The following FCN2 variants were observed in gnomAD, a reference collection of about 807,000 sequenced individuals.
FCN2 encodes ficolin 2.
In FCN2, 31 loss-of-function variants were observed where a neutral mutation model predicts 32.5. That is an observed-to-expected ratio of 0.96 (90% confidence interval 0.72 to 1.29). FCN2 has a LOEUF of 1.29. FCN2 is among the 50% of genes most tolerant of loss of function. The pLI is 0.00. For synonymous variants in FCN2, 181 were observed against 164.5 expected (o/e 1.10, Z -0.77); for missense variants, 412 against 406.5 (o/e 1.01, Z -0.12).
chr9:134,884,152 T>C (rs528237304), intron 3 of FCN2, among the ~76,000 whole-genome samples: 1 of 152,166 alleles, frequency 6.6e-6, no homozygotes, highest in Non-Finnish European at 1.5e-5. Flanking sequence ...TAGTGGAAAT[T>C]CTCTGCTTTA....
At chr9:134,865,297 A>G in the FCN2 span, among the ~76,000 whole-genome samples, 1 of 152,194 alleles carries the variant, frequency 6.6e-6, no homozygotes, top group African/African-American at 2.4e-5. Context: ...GCCCCCCTGC[A>G]TTGCAGCCAT....
chr9:134,872,971 C>A, the FCN2 span, among the ~76,000 whole-genome samples: 1 of 152,210 alleles, frequency 6.6e-6, no homozygotes, highest in African/African-American at 2.4e-5. Flanking sequence ...GAACCAATTT[C>A]ACAGGGGTGT....
At chr9:134,880,399 C>T (rs1362313706), upstream of FCN2, among the ~76,000 whole-genome samples, 1 of 152,198 alleles carries the variant, frequency 6.6e-6, no homozygotes. Flanking sequence ...ACACCAGTGG[C>T]CCATGACCAG....
At chr9:134,872,656 C>T in the FCN2 span, among the ~76,000 whole-genome samples, 2 of 152,046 alleles carry the variant, frequency 1.3e-5, no homozygotes, top group Non-Finnish European at 2.9e-5. Context: ...CGGGGGAACT[C>T]CCCTTTATAA....
upstream of FCN2, among the ~76,000 whole-genome samples, chr9:134,879,341 G>A: frequency 6.6e-6 from 1 of 152,076 alleles, no homozygotes; most frequent in Non-Finnish European, 1.5e-5. Context: ...ATGTCTTTGG[G>A]CTTTTAAAGC....
upstream of FCN2, among the ~76,000 whole-genome samples, chr9:134,878,736 G>A (rs189426006): frequency 2.0e-5 from 3 of 152,164 alleles, no homozygotes; most frequent in East Asian, 1.9e-4. Context: ...CCAGCTACTC[G>A]GGAGGCTGAG....
the FCN2 span, among the ~76,000 whole-genome samples, chr9:134,871,478 C>T: frequency 6.6e-6 from 1 of 152,334 alleles, no homozygotes; most frequent in African/African-American, 2.4e-5. Context: ...TGGGCTGTGC[C>T]GCCGCTGCGT....
the FCN2 span, among the ~76,000 whole-genome samples, chr9:134,867,166 T>C: frequency 8.2e-6 from 1 of 121,278 alleles, no homozygotes; most frequent in East Asian, 2.5e-4. Context: ...CTATAAATCA[T>C]GCTGCTATAA....
chr9:134,884,598 A>T lies in FCN2; in HGVS notation c.269-142A>T, dbSNP rs1214889573. On this transcript the variant is annotated intron_variant, in intron 3 of 7. Coordinates refer to ENST00000291744, the MANE Select transcript of FCN2 (RefSeq NM_004108.3). Reference sequence around the variant, plus strand: ...AGGGAAAGAAAAATTTGGTCAACAGAACCAGGGTCAGGGACTCCTTGGCTG... The same window carrying T: ...AGGGAAAGAAAAATTTGGTCAACAGTACCAGGGTCAGGGACTCCTTGGCTG... The T allele has an allele frequency of 3.6e-6, 3 of 823,492 alleles. No individual in the cohort carries two copies. The Admixed American group carries it at 5.9e-5, about 16-fold the overall frequency. 51.0% of individuals were successfully genotyped at this position (823,492 alleles called of 1,614,324 possible). A position where few individuals can be genotyped will look rare whatever the true frequency, so the allele number is the denominator to read the frequency against.
intron 3 of FCN2, among the ~76,000 whole-genome samples, chr9:134,883,908 G>A (rs544658245): frequency 6.7e-6 from 1 of 150,072 alleles, no homozygotes; most frequent in South Asian, 2.1e-4. Context: ...TTTCAGTGCA[G>A]GAGCATCTGC....
upstream of FCN2, among the ~76,000 whole-genome samples, chr9:134,876,547 C>T (rs1440599099): frequency 6.6e-6 from 1 of 152,128 alleles, no homozygotes; most frequent in Admixed American, 6.6e-5. Flanking sequence ...AAAGGCTTAA[C>T]TACAATTTCA....
intron 1 of FCN2, 148 bp downstream of exon 1, chr9:134,881,069 A>G (rs1830656780): frequency 2.9e-6 from 2 of 689,466 alleles, no homozygotes; most frequent in South Asian, 1.6e-5. Context: ...GCCTCATCTT[A>G]TGTGAACAAA....
the FCN2 span, among the ~76,000 whole-genome samples, chr9:134,870,640 G>A: frequency 2.5e-4 from 38 of 152,224 alleles, 1 homozygote; most frequent in South Asian, 7.7e-3. The surrounding 1 kb of genome is among the most constrained non-coding windows in gnomAD (Gnocchi z 4.3). Flanking sequence ...CCGGCCCTGC[G>A]GGGGGACAGC....
chr9:134,883,989 T>A (rs964332993), intron 3 of FCN2, among the ~76,000 whole-genome samples: 2 of 149,440 alleles, frequency 1.3e-5, no homozygotes, highest in Non-Finnish European at 3.0e-5. Flanking sequence ...TGGGGGGGGA[T>A]TGTCTGCCCA....
rs768352678 is a variant in FCN2 at position 134,886,482 on chromosome 9, T to G, written c.612T>G (p.Phe204Leu). Residue 204 changes from phenylalanine to leucine, a missense_variant, in exon 7 of 8, where the codon TTT becomes TTG. Coordinates refer to ENST00000291744, the MANE Select transcript of FCN2 (RefSeq NM_004108.3). ...DLVDFEDNYQ[F>L]AKYRSFKVAD... ...TGGACTTTGAGGACAACTACCAGTTTGCTAAGTACAGATCATTCAAGGTGG... is the reference window on the plus strand; with the variant it reads ...TGGACTTTGAGGACAACTACCAGTTGGCTAAGTACAGATCATTCAAGGTGG... 2 of 1,614,150 alleles carry G rather than the reference T, an allele frequency of 1.2e-6. No individual in the cohort carries two copies. The highest frequency in any genetic ancestry group is 2.2e-5 in the South Asian group (2 of 91,076).
chr9:134,869,811 G>C, the FCN2 span, among the ~76,000 whole-genome samples: 1 of 152,232 alleles, frequency 6.6e-6, no homozygotes, highest in African/African-American at 2.4e-5. Context: ...CTGCCCTCAG[G>C]TGCTCCTGAT....
chr9:134,885,149 C>T (rs902243917), intron 4 of FCN2, 90 bp from the exon 5 acceptor site: 1 of 1,553,430 alleles, frequency 6.4e-7, no homozygotes, highest in African/African-American at 1.4e-5. Context: ...ACGCCTATGG[C>T]CCTGCTTCTT....
the FCN2 span, among the ~76,000 whole-genome samples, chr9:134,869,676 C>T: frequency 3.3e-5 from 5 of 152,258 alleles, no homozygotes; most frequent in African/African-American, 9.6e-5. Context: ...AGGCCCAGTG[C>T]GGCTGCTTCA....
the FCN2 span, among the ~76,000 whole-genome samples, chr9:134,865,921 C>T: frequency 6.6e-6 from 1 of 151,602 alleles, no homozygotes; most frequent in Non-Finnish European, 1.5e-5. Context: ...CCTAGGAATC[C>T]AACTTACAAG....
Sources: allele counts gnomAD v4.1 joint callset (sites outside exome capture counted in the v4.1 genomes callset), GRCh38; gene constraint gnomAD v4.1.1; non-coding constraint Gnocchi (gnomAD v3.1); transcripts MANE v1.5; gene names NCBI Gene and HGNC (gene_info 2026-07-23, HGNC 2026-07-21).